Variants in ABCD2 observed in about 807,000 individuals in gnomAD.
ABCD2 encodes ATP binding cassette subfamily D member 2, also known as ATP-binding cassette sub-family D member 2.
A neutral mutation model predicts 70.9 loss-of-function variants in ABCD2; 36 were observed. The ratio of observed to expected loss-of-function variants is 0.51; its 90% CI spans 0.39 to 0.67. The LOEUF (loss-of-function observed/expected upper bound fraction) is 0.67, where lower values mean the gene tolerates loss of function less well. Among genes scored for constraint, ABCD2 ranks in the 30% least tolerant of loss-of-function variants. The pLI is 0.00. For synonymous variants in ABCD2, 304 were observed against 306.9 expected (o/e 0.99, Z 0.10); for missense variants, 729 against 890.2 (o/e 0.82, Z 2.30).
At chr12:39,568,958 C>A (rs1415147600) in intron 9 of ABCD2, among the ~76,000 whole-genome samples, 1 of 152,116 alleles carries the variant, frequency 6.6e-6, no homozygotes, top group East Asian at 1.9e-4. Context: ...CCTGAACAGC[C>A]AATGTTGCTG....
Position 39,571,560 on chromosome 12 carries a change from C to T in ABCD2, c.2003+2156G>A, listed in dbSNP as rs1941449196. On this transcript the variant is annotated intron_variant, in intron 9 of 9. Transcript: ENST00000308666. ...GATGTATAATGATGGTTTGGCTCAT[C>T]ACTCTGGTCTTACAACATTATTTGA... Among the ~76,000 whole-genome samples, 5 of 152,282 alleles carry T rather than the reference C, an allele frequency of 3.3e-5. No individual in the cohort carries two copies. In the South Asian group the frequency reaches 8.3e-4, roughly 25 times the overall value.
chr12:39,614,723 T>G (rs1245701916), intron 2 of ABCD2, among the ~76,000 whole-genome samples: 1 of 152,130 alleles, frequency 6.6e-6, no homozygotes, highest in South Asian at 2.1e-4. Flanking sequence ...AAAATTCTTT[T>G]GGCTAAGTAA....
At chr12:39,548,170 C>A (rs956035839), downstream of ABCD2, among the ~76,000 whole-genome samples, 6 of 152,104 alleles carry the variant, frequency 3.9e-5, no homozygotes, top group African/African-American at 1.2e-4. Flanking sequence ...GAAGGGTAAA[C>A]AACTAATACT....
At chr12:39,542,062 T>C in the ABCD2 span, among the ~76,000 whole-genome samples, 2 of 152,196 alleles carry the variant, frequency 1.3e-5, no homozygotes, top group African/African-American at 4.8e-5. Flanking sequence ...TTTCTTAACC[T>C]GGGTGGTGGT....
At chr12:39,561,233 TA>T (rs34293209) in intron 9 of ABCD2, among the ~76,000 whole-genome samples, 81 of 145,706 alleles carry the variant, frequency 5.6e-4, no homozygotes, top group Non-Finnish European at 7.6e-4. Context: ...CCGTCTCTAC[TA>T]AAAAAAAAAA....
chr12:39,544,237 C>T, the ABCD2 span, among the ~76,000 whole-genome samples: 17,403 of 152,030 alleles, frequency 0.11, 1,056 homozygotes, highest in Non-Finnish European at 0.15. Flanking sequence ...GTGGGGGCCA[C>T]GAGATCAGAT....
chr12:39,614,914 T>C (rs1265887460), intron 2 of ABCD2, among the ~76,000 whole-genome samples: 1 of 152,088 alleles, frequency 6.6e-6, no homozygotes, highest in Admixed American at 6.5e-5. Flanking sequence ...AATTCTTACA[T>C]TACTTTTCTC....
At chr12:39,549,836 T>TTAA (rs1446514316), downstream of ABCD2, among the ~76,000 whole-genome samples, 1 of 151,898 alleles carries the variant, frequency 6.6e-6, no homozygotes, top group East Asian at 1.9e-4. Context: ...TGAGGTTGGA[T>TTAA]TAATTACTTA....
At chr12:39,537,268 C>T in the ABCD2 span, among the ~76,000 whole-genome samples, 2 of 152,148 alleles carry the variant, frequency 1.3e-5, no homozygotes, top group Non-Finnish European at 2.9e-5. Context: ...ACTTGCTCTA[C>T]CATAGCCTTC....
chr12:39,568,770 G>A (rs1294341588), intron 9 of ABCD2, among the ~76,000 whole-genome samples: 1 of 151,982 alleles, frequency 6.6e-6, no homozygotes, highest in Non-Finnish European at 1.5e-5. Context: ...ATCTATCTTT[G>A]GTCTTTGATG....
chr12:39,544,315 G>A, the ABCD2 span, among the ~76,000 whole-genome samples: 3 of 152,042 alleles, frequency 2.0e-5, no homozygotes, highest in Admixed American at 6.6e-5. Context: ...AATATCTCAA[G>A]CACTGATCTC....
chr12:39,561,147 G>A (rs577817007), intron 9 of ABCD2, among the ~76,000 whole-genome samples: 1 of 152,118 alleles, frequency 6.6e-6, no homozygotes, highest in East Asian at 1.9e-4. Flanking sequence ...TGTAATCTCA[G>A]TGCTTTTGGA....
At chr12:39,533,003 A>C in the ABCD2 span, among the ~76,000 whole-genome samples, 1 of 151,912 alleles carries the variant, frequency 6.6e-6, no homozygotes. Context: ...ACTGAAAAAA[A>C]AAAATACAAA....
the ABCD2 span, among the ~76,000 whole-genome samples, chr12:39,531,957 G>A: frequency 5.9e-5 from 9 of 152,230 alleles, no homozygotes; most frequent in Non-Finnish European, 1.2e-4. Flanking sequence ...CTGCCACAGT[G>A]TTGAAAGATT....
At chr12:39,605,879 A>G (rs557705951) in intron 3 of ABCD2, among the ~76,000 whole-genome samples, 2 of 152,318 alleles carry the variant, frequency 1.3e-5, no homozygotes, top group South Asian at 4.1e-4. Flanking sequence ...TATGCAAAAC[A>G]TAAGCAGTAA....
chr12:39,567,562 G>C (rs564758196), intron 9 of ABCD2, among the ~76,000 whole-genome samples: 1 of 152,154 alleles, frequency 6.6e-6, no homozygotes, highest in Non-Finnish European at 1.5e-5. Flanking sequence ...ACAGCACACT[G>C]ATGAGTCTTG....
downstream of ABCD2, among the ~76,000 whole-genome samples, chr12:39,548,706 A>T (rs1383223285): frequency 1.3e-5 from 2 of 151,620 alleles, no homozygotes; most frequent in Non-Finnish European, 2.9e-5. Flanking sequence ...AATATACTTC[A>T]TATATAAGGT....
At chr12:39,585,671 C>T (rs954503612) in intron 7 of ABCD2, among the ~76,000 whole-genome samples, 1 of 151,986 alleles carries the variant, frequency 6.6e-6, no homozygotes, top group Non-Finnish European at 1.5e-5. Flanking sequence ...TGCTGAAAAA[C>T]CACAATACAG....
intron 5 of ABCD2, 143 bp downstream of exon 5, chr12:39,603,769 T>A (rs1941932278): frequency 4.1e-6 from 2 of 491,404 alleles, no homozygotes; most frequent in Non-Finnish European, 7.1e-6. Flanking sequence ...TAACTGCTTC[T>A]GTAATTGAGC....
Sources: allele counts gnomAD v4.1 joint callset (sites outside exome capture counted in the v4.1 genomes callset), GRCh38; gene constraint gnomAD v4.1.1; transcripts MANE v1.5; gene names NCBI Gene and HGNC (gene_info 2026-07-23, HGNC 2026-07-21).